SLC35F3: variants seen among roughly 807,000 people sequenced by gnomAD.
SLC35F3 encodes the protein putative thiamine transporter SLC35F3.
In SLC35F3, 25 loss-of-function variants were observed where a neutral mutation model predicts 49.9. The ratio of observed to expected loss-of-function variants is 0.50; its 90% CI spans 0.37 to 0.70. The LOEUF (loss-of-function observed/expected upper bound fraction) is 0.70. Among genes scored for constraint, SLC35F3 ranks in the 30% least tolerant of loss-of-function variants. The pLI is 0.00. For synonymous variants in SLC35F3, 275 were observed against 265.4 expected (o/e 1.04, Z -0.35); for missense variants, 525 against 639.8 (o/e 0.82, Z 1.94).
At chr1:234,199,798 A>G (rs1421962544) in intron 2 of SLC35F3, among the ~76,000 whole-genome samples, 2 of 152,250 alleles carry the variant, frequency 1.3e-5, no homozygotes, top group Non-Finnish European at 2.9e-5. Flanking sequence ...CAATAGCAAG[A>G]AAACAAATAA....
chr1:234,131,596 A>G (rs995567761), intron 2 of SLC35F3, among the ~76,000 whole-genome samples: 3 of 152,192 alleles, frequency 2.0e-5, no homozygotes, highest in Admixed American at 6.5e-5. Context: ...ATGTTCATAC[A>G]TCCGTCTGAG....
chr1:234,215,708 G>T (rs1250926635), intron 2 of SLC35F3, among the ~76,000 whole-genome samples: 1 of 152,162 alleles, frequency 6.6e-6, no homozygotes, highest in Non-Finnish European at 1.5e-5. Flanking sequence ...CAGAACCAGC[G>T]AGGACAAGAC....
intron 2 of SLC35F3, among the ~76,000 whole-genome samples, chr1:233,988,704 T>C (rs758161768): frequency 6.6e-6 from 1 of 152,352 alleles, no homozygotes; most frequent in East Asian, 1.9e-4. Flanking sequence ...CTTCTCTGTC[T>C]CTTATAACTT....
At chr1:234,136,274 C>CTT (rs1665810818) in intron 2 of SLC35F3, among the ~76,000 whole-genome samples, 1 of 116,866 alleles carries the variant, frequency 8.6e-6, no homozygotes, top group East Asian at 7.9e-4. Flanking sequence ...TTCTTTCTCT[C>CTT]TCTTTCTCTC....
intron 2 of SLC35F3, among the ~76,000 whole-genome samples, chr1:234,148,875 G>A (rs1232263039): frequency 1.3e-5 from 2 of 152,146 alleles, no homozygotes; most frequent in Non-Finnish European, 2.9e-5. Flanking sequence ...TTGACTCCTA[G>A]GTTTTTAGCT....
chr1:234,124,469 G>A (rs1665618000), intron 2 of SLC35F3, among the ~76,000 whole-genome samples: 1 of 152,098 alleles, frequency 6.6e-6, no homozygotes, highest in Non-Finnish European at 1.5e-5. Flanking sequence ...TCTTCCCCTA[G>A]GGGCTGAAAT....
chr1:234,291,229 G>T (rs1339663525), intron 3 of SLC35F3, among the ~76,000 whole-genome samples: 1 of 152,210 alleles, frequency 6.6e-6, no homozygotes, highest in Non-Finnish European at 1.5e-5. Flanking sequence ...CTAGAGCAGT[G>T]CTTATCAATG....
At chr1:234,060,334 AT>A (rs1238758597) in intron 2 of SLC35F3, among the ~76,000 whole-genome samples, 8 of 152,184 alleles carry the variant, frequency 5.3e-5, no homozygotes, top group Non-Finnish European at 1.0e-4. Context: ...GAAATGAGGT[AT>A]TGAAGTTTCT....
At chr1:234,054,871 C>A (rs2102859460) in intron 2 of SLC35F3, among the ~76,000 whole-genome samples, 1 of 152,302 alleles carries the variant, frequency 6.6e-6, no homozygotes, top group South Asian at 2.1e-4. Flanking sequence ...ACAGTCAGGA[C>A]CCTCAGCTGC....
At chr1:234,286,981 G>A (rs1017734946) in intron 3 of SLC35F3, among the ~76,000 whole-genome samples, 13 of 152,250 alleles carry the variant, frequency 8.5e-5, no homozygotes, top group Non-Finnish European at 1.9e-4. Context: ...ATCAGCTTGG[G>A]CAACATAGCA....
intron 2 of SLC35F3, among the ~76,000 whole-genome samples, chr1:234,181,197 A>G (rs1199019285): frequency 1.3e-5 from 2 of 151,942 alleles, no homozygotes; most frequent in Admixed American, 1.3e-4. Flanking sequence ...ATTAGCCAAC[A>G]TGGTGGCATG....
chr1:234,249,167 T>A (rs1667697084), intron 3 of SLC35F3, among the ~76,000 whole-genome samples: 1 of 152,162 alleles, frequency 6.6e-6, no homozygotes, highest in South Asian at 2.1e-4. Context: ...AGTGAGGCAA[T>A]TGTATCCTAC....
chr1:234,088,270 C>T (rs534752100), intron 2 of SLC35F3, among the ~76,000 whole-genome samples: 275 of 152,318 alleles, frequency 1.8e-3, no homozygotes, highest in Non-Finnish European at 3.1e-3. Flanking sequence ...TACAGTGGCG[C>T]GATCTCGGCT....
chr1:234,143,788 G>A (rs58714961), intron 2 of SLC35F3, among the ~76,000 whole-genome samples: 2,401 of 152,212 alleles, frequency 0.016, 59 homozygotes, highest in African/African-American at 0.054. Context: ...GGTTTATTCC[G>A]TATCTTGGCT....
chr1:234,139,384 C>T (rs1665856393), intron 2 of SLC35F3, among the ~76,000 whole-genome samples: 1 of 152,208 alleles, frequency 6.6e-6, no homozygotes, highest in Non-Finnish European at 1.5e-5. Context: ...TGTAGCTCCA[C>T]TTCTTCCTGA....
At chr1:233,976,088 G>A (rs1453311531) in intron 2 of SLC35F3, among the ~76,000 whole-genome samples, 3 of 152,162 alleles carry the variant, frequency 2.0e-5, no homozygotes, top group South Asian at 2.1e-4. Flanking sequence ...TGAAGAAGGC[G>A]AAGGAGGAGG....
intron 2 of SLC35F3, among the ~76,000 whole-genome samples, chr1:233,963,562 A>G (rs1662842716): frequency 6.6e-6 from 1 of 151,898 alleles, no homozygotes; most frequent in African/African-American, 2.4e-5. Flanking sequence ...CGGCCTCCCA[A>G]AGTGCTGGGA....
In SLC35F3 at chr1:234,138,544, G is replaced by A. The variant is rs115042094; in HGVS notation, c.284-92873G>A. ...GGGAGAGTTTATACCAAAACACACA[G>A]AATCAAGAAGTGAACTTGTTTTTGT... is the stretch of plus-strand genomic sequence containing the variant. On this transcript the variant is annotated intron_variant, in intron 2 of 7. Coordinates refer to ENST00000366618, the MANE Select transcript of SLC35F3 (RefSeq NM_173508.4). Among the ~76,000 whole-genome samples, 577 of 152,220 alleles carry A rather than the reference G, an allele frequency of 3.8e-3. 6 individuals carry two copies. Among genetic ancestry groups the A allele is most frequent in the African/African-American group, 0.011 (449 of 41,552 alleles).
At chr1:234,096,196 G>A (rs1242111816) in intron 2 of SLC35F3, among the ~76,000 whole-genome samples, 5 of 152,088 alleles carry the variant, frequency 3.3e-5, no homozygotes, top group Non-Finnish European at 7.4e-5. Flanking sequence ...GTAGTGTCCA[G>A]GGTTTTCCTG....
Sources: allele counts gnomAD v4.1 joint callset (sites outside exome capture counted in the v4.1 genomes callset), GRCh38; gene constraint gnomAD v4.1.1; transcripts MANE v1.5; gene names NCBI Gene and HGNC (gene_info 2026-07-23, HGNC 2026-07-21).